Variants in LOC400499 observed in about 807,000 individuals in gnomAD.
At chr16:11,414,540 G>C in the LOC400499 span, 1 of 399,464 alleles carries the variant, frequency 2.5e-6, no homozygotes, top group African/African-American at 2.1e-5. Flanking sequence ...GGCTACTGAA[G>C]ACAGCTTCAC....
the LOC400499 span, chr16:11,471,703 G>A: frequency 2.9e-4 from 116 of 399,032 alleles, no homozygotes; most frequent in African/African-American, 2.1e-3. Flanking sequence ...TCGGAGCCCC[G>A]GGTCCCGTTT....
At chr16:11,473,755 CAA>C in the LOC400499 span, among the ~76,000 whole-genome samples, 1 of 139,082 alleles carries the variant, frequency 7.2e-6, no homozygotes, top group Admixed American at 7.2e-5. Context: ...AACTCTGTCT[CAA>C]AAAAAAAAAA....
chr16:11,436,358 G>C, the LOC400499 span, among the ~76,000 whole-genome samples: 3 of 152,128 alleles, frequency 2.0e-5, no homozygotes, highest in African/African-American at 7.2e-5. Context: ...TACCCAAGTG[G>C]TCAGGCTGGG....
chr16:11,480,395 C>A, the LOC400499 span, among the ~76,000 whole-genome samples: 1 of 152,160 alleles, frequency 6.6e-6, no homozygotes, highest in African/African-American at 2.4e-5. Context: ...CGGGTTCACC[C>A]TTGGTGGTTA....
the LOC400499 span, among the ~76,000 whole-genome samples, chr16:11,389,236 G>A: frequency 2.0e-5 from 3 of 152,182 alleles, no homozygotes; most frequent in Non-Finnish European, 1.5e-5. Context: ...CGTTTCATAG[G>A]ATCCACCCCC....
chr16:11,478,554 G>C, the LOC400499 span: 2 of 398,880 alleles, frequency 5.0e-6, no homozygotes, highest in Non-Finnish European at 4.4e-6. Flanking sequence ...TGGCGAGCTC[G>C]GCCAAGTTAA....
the LOC400499 span, chr16:11,393,464 G>A: frequency 8.1e-7 from 1 of 1,232,296 alleles, no homozygotes; most frequent in Non-Finnish European, 1.0e-6. Flanking sequence ...TCTCCTCTCT[G>A]TTGTCCACGC....
At chr16:11,457,387 A>C in the LOC400499 span, among the ~76,000 whole-genome samples, 1 of 151,948 alleles carries the variant, frequency 6.6e-6, no homozygotes, top group East Asian at 1.9e-4. Flanking sequence ...AGGTCAGGAG[A>C]TCAAGACCAT....
At chr16:11,424,266 T>A in the LOC400499 span, 61 of 399,014 alleles carry the variant, frequency 1.5e-4, no homozygotes, top group South Asian at 1.3e-4. Context: ...AGCCCCCGCG[T>A]TCCACAGCGC....
the LOC400499 span, among the ~76,000 whole-genome samples, chr16:11,512,951 G>A: frequency 2.6e-5 from 4 of 152,144 alleles, no homozygotes; most frequent in African/African-American, 7.2e-5. Flanking sequence ...TCCCCCAGGG[G>A]GTGCCGGGAG....
chr16:11,445,133 C>T, the LOC400499 span, among the ~76,000 whole-genome samples: 2 of 149,104 alleles, frequency 1.3e-5, no homozygotes, highest in Admixed American at 6.7e-5. Flanking sequence ...GTACTAAAAG[C>T]GAAAGCTATA....
the LOC400499 span, among the ~76,000 whole-genome samples, chr16:11,413,931 C>T: frequency 5.3e-5 from 8 of 152,180 alleles, no homozygotes; most frequent in Non-Finnish European, 1.0e-4. Flanking sequence ...ATCTGAACAT[C>T]GGAGAGGGCC....
chr16:11,402,046 G>C, the LOC400499 span: 1 of 399,054 alleles, frequency 2.5e-6, no homozygotes, highest in African/African-American at 2.1e-5. Context: ...CCTGGTCCCT[G>C]CCATCCCAGC....
the LOC400499 span, among the ~76,000 whole-genome samples, chr16:11,442,769 G>A: frequency 4.6e-5 from 7 of 152,332 alleles, no homozygotes; most frequent in African/African-American, 9.6e-5. Context: ...TCTGCAGGCT[G>A]AATATGGCCC....
the LOC400499 span, among the ~76,000 whole-genome samples, chr16:11,454,955 C>A: frequency 1.3e-5 from 2 of 152,288 alleles, no homozygotes; most frequent in East Asian, 1.9e-4. Flanking sequence ...AGGACTCAGG[C>A]TCCAGGAAGA....
At chr16:11,522,397 G>C in the LOC400499 span, among the ~76,000 whole-genome samples, 1 of 152,180 alleles carries the variant, frequency 6.6e-6, no homozygotes, top group African/African-American at 2.4e-5. Context: ...ATTAATAGTT[G>C]GGGCCAGGGA....
chr16:11,392,356 G>A, the LOC400499 span: 13 of 398,998 alleles, frequency 3.3e-5, no homozygotes, highest in East Asian at 3.9e-4. Flanking sequence ...AGCCGCGCGC[G>A]GCCAGCAGGA....
the LOC400499 span, chr16:11,392,888 C>G: frequency 5.2e-4 from 411 of 784,498 alleles, 2 homozygotes; most frequent in Non-Finnish European, 6.0e-4. Flanking sequence ...GAGTCTCGCT[C>G]TGTCGCCTAG....
chr16:11,430,982 CA>C, the LOC400499 span: 1 of 398,874 alleles, frequency 2.5e-6, no homozygotes, highest in African/African-American at 2.1e-5. Flanking sequence ...ATCTACCTTG[CA>C]GTTCCAAAGA....
Sources: allele counts gnomAD v4.1 joint callset (sites outside exome capture counted in the v4.1 genomes callset), GRCh38; gene constraint gnomAD v4.1.1; transcripts MANE v1.5.